Variants in MACROD2 observed in about 807,000 individuals in gnomAD.
MACROD2 encodes the protein mono-ADP ribosylhydrolase 2.
A neutral mutation model predicts 70.4 loss-of-function variants in MACROD2; 36 were observed. The ratio of observed to expected loss-of-function variants is 0.51; its 90% CI spans 0.39 to 0.68. The LOEUF (loss-of-function observed/expected upper bound fraction) is 0.68, where lower values mean the gene tolerates loss of function less well. MACROD2 is among the 30% of genes least tolerant of loss of function. The pLI is 0.00. For missense variants in MACROD2, 496 were observed against 538.4 expected, an observed-to-expected ratio of 0.92 and a Z score of 0.78; for synonymous variants, 172 against 178.8, an observed-to-expected ratio of 0.96 and a Z score of 0.30.
intron 8 of MACROD2, among the ~76,000 whole-genome samples, chr20:15,714,239 C>CT (rs2050675106): frequency 1.3e-5 from 2 of 152,178 alleles, no homozygotes; most frequent in Non-Finnish European, 2.9e-5. Context: ...TTAAGTAGAT[C>CT]TGTAAGGTTT....
At chr20:14,704,576 G>A (rs944416820) in intron 5 of MACROD2, among the ~76,000 whole-genome samples, 1 of 152,102 alleles carries the variant, frequency 6.6e-6, no homozygotes, top group African/African-American at 2.4e-5. Context: ...AAACTCAAAG[G>A]AAGATATCCA....
chr20:15,678,027 T>C (rs1265747234), intron 8 of MACROD2, among the ~76,000 whole-genome samples: 1 of 151,766 alleles, frequency 6.6e-6, no homozygotes, highest in Non-Finnish European at 1.5e-5. Flanking sequence ...ATCACGCCAC[T>C]GCACTCCAGC....
chr20:15,825,710 T>C (rs2063990328), intron 8 of MACROD2, among the ~76,000 whole-genome samples: 1 of 152,134 alleles, frequency 6.6e-6, no homozygotes, highest in African/African-American at 2.4e-5. Flanking sequence ...TGATGCATAT[T>C]CTCCTTTGTA....
At position 15,986,767 on chromosome 20, in the gene MACROD2, A is replaced by G. The variant is rs2066489729; in HGVS notation, c.1026A>G (p.Glu342=). The G allele has an allele frequency of 6.2e-7, 1 of 1,613,492 alleles. No individual in the cohort carries two copies. Among genetic ancestry groups the G allele is most frequent in the East Asian group, 2.2e-5 (1 of 44,860 alleles). ...NDSTKNEIKI[E]TESQSSYMET... ...CAACGAAGAATGAAATAAAAATTGA[A>G]ACAGAATCGCAGAGCTCATATATGG... Residue 342 remains glutamate (E), a synonymous_variant, in exon 14 of 18, where the codon GAA becomes GAG. Transcript: ENST00000684519.
intron 3 of MACROD2, among the ~76,000 whole-genome samples, chr20:14,238,256 A>G (rs1305513020): frequency 2.0e-5 from 3 of 152,228 alleles, no homozygotes; most frequent in South Asian, 4.1e-4. Flanking sequence ...ATGCAAATCA[A>G]TAAATGTTAT....
chr20:14,343,857 G>T (rs1157172801), intron 3 of MACROD2, among the ~76,000 whole-genome samples: 2 of 152,172 alleles, frequency 1.3e-5, no homozygotes, highest in African/African-American at 2.4e-5. Flanking sequence ...CCTGAAGCAC[G>T]TGATTTTCTC....
At chr20:15,175,562 C>T (rs1427857381) in intron 5 of MACROD2, among the ~76,000 whole-genome samples, 1 of 152,114 alleles carries the variant, frequency 6.6e-6, no homozygotes, top group African/African-American at 2.4e-5. Context: ...TTGCTGAATG[C>T]TAATGGTAGA....
chr20:14,101,567 G>A (rs1208565655), intron 3 of MACROD2, among the ~76,000 whole-genome samples: 2 of 152,098 alleles, frequency 1.3e-5, no homozygotes, highest in African/African-American at 4.8e-5. Context: ...GAGTTTGCCT[G>A]TTAGGAAAGT....
rs1275836691 is a variant in MACROD2, at chr20:14,169,222, CAG to C, written c.271+83495_271+83496del. Reference sequence around the variant, plus strand: ...CATACATACCTTAACTGGAACATGACAGGGGAAACAAAAGCTCTGGTTTTCAT... The same window carrying C: ...CATACATACCTTAACTGGAACATGACGGGAAACAAAAGCTCTGGTTTTCAT... On this transcript the variant is annotated intron_variant, in intron 3 of 17. Transcript: ENST00000684519. Among the ~76,000 whole-genome samples the C allele has an allele frequency of 5.3e-5, 8 of 152,154 alleles. No individual in the cohort carries two copies. In the East Asian group the frequency reaches 1.4e-3, roughly 26 times the overall value.
intron 4 of MACROD2, among the ~76,000 whole-genome samples, chr20:14,589,835 G>A (rs1981641216): frequency 6.6e-6 from 1 of 152,124 alleles, no homozygotes; most frequent in Non-Finnish European, 1.5e-5. Flanking sequence ...TTCACTAAAT[G>A]CTACATACTG....
intron 6 of MACROD2, among the ~76,000 whole-genome samples, chr20:15,235,139 C>A (rs971644434): frequency 9.9e-5 from 15 of 152,078 alleles, no homozygotes; most frequent in African/African-American, 3.6e-4. Context: ...GTCTGACATT[C>A]TTTGAATGAC....
Position 14,075,572 on chromosome 20 carries a change from C to T in MACROD2, c.164-10049C>T, listed in dbSNP as rs552937420. On this transcript the variant is annotated intron_variant, in intron 2 of 17. Coordinates refer to ENST00000684519, the MANE Select transcript of MACROD2 (RefSeq NM_001351661.2). Reference sequence around the variant, plus strand: ...CAAAGTGGCTCCTCTAAGACCTCTCCCTTCCCATTGCTTCTGCTCCTCCTT... The same window carrying T: ...CAAAGTGGCTCCTCTAAGACCTCTCTCTTCCCATTGCTTCTGCTCCTCCTT... 3.3e-5 allele frequency among the ~76,000 whole-genome samples: 5 copies of T among 152,290 alleles called. No individual in the cohort carries two copies. The South Asian group carries it at 1.0e-3, about 32-fold the overall frequency.
intron 5 of MACROD2, among the ~76,000 whole-genome samples, chr20:14,835,380 T>G (rs536724500): frequency 2.6e-5 from 4 of 151,986 alleles, no homozygotes; most frequent in African/African-American, 7.3e-5. Context: ...TATCAGATAG[T>G]CAGTAAGGTC....
At chr20:15,638,959 A>G (rs1388951297) in intron 8 of MACROD2, among the ~76,000 whole-genome samples, 1 of 152,114 alleles carries the variant, frequency 6.6e-6, no homozygotes, top group Non-Finnish European at 1.5e-5. Context: ...AGCAGTCAGG[A>G]TGTGTCATTT....
intron 8 of MACROD2, among the ~76,000 whole-genome samples, chr20:15,697,742 CA>C (rs2050396385): frequency 6.6e-6 from 1 of 152,140 alleles, no homozygotes; most frequent in South Asian, 2.1e-4. Flanking sequence ...GCTCCAGTGT[CA>C]GGTGCATATA....
intron 6 of MACROD2, among the ~76,000 whole-genome samples, chr20:15,233,810 G>A (rs1015547708): frequency 5.3e-5 from 8 of 150,306 alleles, no homozygotes; most frequent in African/African-American, 1.2e-4. Flanking sequence ...TAATCTTACC[G>A]TAAATCGTTT....
rs191006158 is a variant in MACROD2 at position 15,431,843 on chromosome 20, T to A, written c.571+408T>A. ...AAAAATTAAAATGCATACATATGCA[T>A]ATATCTGTGTTTTCAAATTTTAAAA... On this transcript the variant is annotated intron_variant, in intron 7 of 17. Transcript: ENST00000684519. Among the ~76,000 whole-genome samples, 1,069 of 152,132 alleles carry A rather than the reference T, an allele frequency of 7.0e-3. 9 individuals are homozygous for A. The highest frequency in any genetic ancestry group is 0.024 in the African/African-American group (1,010 of 41,506).
intron 7 of MACROD2, among the ~76,000 whole-genome samples, chr20:15,444,593 C>A (rs1033592132): frequency 2.0e-5 from 3 of 151,998 alleles, no homozygotes; most frequent in African/African-American, 7.2e-5. Flanking sequence ...GTACACATCG[C>A]CTCAGAGTTC....
intron 3 of MACROD2, among the ~76,000 whole-genome samples, chr20:14,441,552 A>G (rs1015608496): frequency 6.6e-6 from 1 of 152,206 alleles, no homozygotes; most frequent in Non-Finnish European, 1.5e-5. Context: ...GTTTTCTCTC[A>G]GCTTCCAATA....
Sources: allele counts gnomAD v4.1 joint callset (sites outside exome capture counted in the v4.1 genomes callset), GRCh38; gene constraint gnomAD v4.1.1; transcripts MANE v1.5; gene names NCBI Gene and HGNC (gene_info 2026-07-23, HGNC 2026-07-21).